Variants in MCHR2 observed in about 807,000 individuals in gnomAD.
MCHR2 encodes melanin concentrating hormone receptor 2, also known as melanin-concentrating hormone receptor 2.
A neutral mutation model predicts 24.8 loss-of-function variants in MCHR2; 15 were observed. The ratio of observed to expected loss-of-function variants is 0.60; its 90% CI spans 0.40 to 0.93. The LOEUF (loss-of-function observed/expected upper bound fraction) is 0.93. MCHR2 is among the 40% of genes least tolerant of loss of function. The pLI is 0.00. For missense variants in MCHR2, 386 were observed against 408.7 expected (o/e 0.94, Z 0.48); for synonymous variants, 151 against 147.6 (o/e 1.02, Z -0.17).
chr6:99,962,274 C>A (rs907591644), intron 1 of MCHR2, among the ~76,000 whole-genome samples: 12 of 152,270 alleles, frequency 7.9e-5, no homozygotes, highest in African/African-American at 2.6e-4. Context: ...CTAATCATGT[C>A]TTCAGAGAAA....
At chr6:99,975,032 G>A (rs1383125022) in intron 1 of MCHR2, among the ~76,000 whole-genome samples, 2 of 152,234 alleles carry the variant, frequency 1.3e-5, no homozygotes, top group Non-Finnish European at 2.9e-5. Flanking sequence ...GGACCCACTT[G>A]AGGAGGCAGT....
chr6:99,986,704 A>G (rs912095495), intron 1 of MCHR2, among the ~76,000 whole-genome samples: 3 of 152,042 alleles, frequency 2.0e-5, no homozygotes, highest in Non-Finnish European at 4.4e-5. Flanking sequence ...GGGATGGAAT[A>G]ATTCCTATAG....
At chr6:99,929,194 T>G (rs143448843) in intron 5 of MCHR2, among the ~76,000 whole-genome samples, 2,942 of 152,332 alleles carry the variant, frequency 0.019, 59 homozygotes, top group African/African-American at 0.047. Flanking sequence ...TGCACTGTGG[T>G]CTGAGAGACA....
chr6:99,935,830 C>G lies in MCHR2; in HGVS notation c.588-1313G>C, dbSNP rs577409814. On this transcript the variant is annotated intron_variant, in intron 4 of 5. Coordinates refer to ENST00000281806, the MANE Select transcript of MCHR2 (RefSeq NM_001040179.2). ...TTCCCACCGACAATGTACAAAGGTT[C>G]CGCTTTGTTCACATCCTTGTCAGCA... is the stretch of plus-strand genomic sequence containing the variant. Among the ~76,000 whole-genome samples, 13 of 151,944 alleles carry G rather than the reference C, an allele frequency of 8.6e-5. No homozygotes were observed. In the South Asian group the frequency reaches 2.7e-3, roughly 31 times the overall value.
At chr6:99,962,118 G>T (rs1775200664) in intron 1 of MCHR2, among the ~76,000 whole-genome samples, 1 of 152,214 alleles carries the variant, frequency 6.6e-6, no homozygotes, top group African/African-American at 2.4e-5. Context: ...TACTAGTCTT[G>T]TGCTTTGGGT....
intron 1 of MCHR2, among the ~76,000 whole-genome samples, chr6:99,960,073 C>A (rs1775148623): frequency 6.6e-6 from 1 of 151,924 alleles, no homozygotes; most frequent in Non-Finnish European, 1.5e-5. Context: ...ACAAAGACAA[C>A]AGAAAATTTT....
At chr6:99,933,333 C>A (rs911177371) in intron 5 of MCHR2, among the ~76,000 whole-genome samples, 8 of 152,096 alleles carry the variant, frequency 5.3e-5, no homozygotes, top group Non-Finnish European at 1.2e-4. Flanking sequence ...ATTTGGAGAA[C>A]TGTTTAAAAA....
chr6:99,921,588 T>A (rs1203403077), intron 5 of MCHR2, among the ~76,000 whole-genome samples: 1 of 152,204 alleles, frequency 6.6e-6, no homozygotes, highest in Non-Finnish European at 1.5e-5. Context: ...GAATTGGGTA[T>A]CCATCCCTTG....
intron 4 of MCHR2, among the ~76,000 whole-genome samples, chr6:99,935,202 A>G (rs1331693163): frequency 6.6e-6 from 1 of 152,074 alleles, no homozygotes; most frequent in Non-Finnish European, 1.5e-5. Flanking sequence ...TTGTCTTTTT[A>G]AAAATGCTAG....
intron 1 of MCHR2, among the ~76,000 whole-genome samples, chr6:99,992,486 C>T (rs890407778): frequency 3.3e-5 from 5 of 152,138 alleles, no homozygotes; most frequent in Admixed American, 2.0e-4. Context: ...TTGAGGAGAG[C>T]CAGGCTGACA....
intron 5 of MCHR2, among the ~76,000 whole-genome samples, chr6:99,926,721 A>G (rs1462304238): frequency 6.6e-6 from 1 of 152,088 alleles, no homozygotes; most frequent in African/African-American, 2.4e-5. Context: ...AGTTCATTGT[A>G]GATTCTGGAT....
At chr6:99,992,158 C>G (rs1479676826) in intron 1 of MCHR2, among the ~76,000 whole-genome samples, 1 of 152,220 alleles carries the variant, frequency 6.6e-6, no homozygotes, top group Non-Finnish European at 1.5e-5. Flanking sequence ...CTTCAGGGCA[C>G]AGGGACATTT....
chr6:99,985,337 C>T (rs1775750326), intron 1 of MCHR2, among the ~76,000 whole-genome samples: 1 of 152,068 alleles, frequency 6.6e-6, no homozygotes, highest in African/African-American at 2.4e-5. Flanking sequence ...TGCTAACATT[C>T]ATATGAAACC....
rs962346329 is a variant in MCHR2, at chr6:99,975,357, G to A, written c.-28+18579C>T. 1.6e-4 allele frequency among the ~76,000 whole-genome samples: 25 copies of A among 152,188 alleles called. 1 individual carries two copies. The highest frequency in any genetic ancestry group is 1.2e-3 in the Admixed American group (18 of 15,286). ...TAGGAATCAGCGAGACTCCGTGGCC[G>A]TAGGACCCTCTGAGCCAGGTGCAGG... On this transcript the variant is annotated intron_variant, in intron 1 of 5. Transcript: ENST00000281806.
intron 2 of MCHR2, 129 bp from the exon 3 acceptor site, chr6:99,948,100 A>G: frequency 4.3e-6 from 3 of 704,432 alleles, no homozygotes; most frequent in Non-Finnish European, 7.1e-6. Context: ...ATACAGATGC[A>G]TAGAGGAAAT....
At chr6:99,930,405 G>C (rs531043107) in intron 5 of MCHR2, among the ~76,000 whole-genome samples, 4 of 152,172 alleles carry the variant, frequency 2.6e-5, no homozygotes, top group African/African-American at 7.2e-5. Flanking sequence ...GATTGGGGAA[G>C]TTCTCCTGGA....
chr6:99,922,187 A>G (rs1582363504), intron 5 of MCHR2, among the ~76,000 whole-genome samples: 1 of 142,724 alleles, frequency 7.0e-6, no homozygotes, highest in East Asian at 2.1e-4. Context: ...GCTCACTGCC[A>G]GCTCCGCCTC....
intron 1 of MCHR2, among the ~76,000 whole-genome samples, chr6:99,958,781 C>T (rs34426163): frequency 0.16 from 23,788 of 152,130 alleles, 2,008 homozygotes; most frequent in Middle Eastern, 0.18. Flanking sequence ...GCCATATGAT[C>T]GGGGGAAACT....
chr6:99,983,458 G>T (rs1775711336), intron 1 of MCHR2, among the ~76,000 whole-genome samples: 1 of 152,258 alleles, frequency 6.6e-6, no homozygotes, highest in South Asian at 2.1e-4. Context: ...TTTTTTAAAT[G>T]GACCTGCCCA....
Sources: gnomAD v4.1 joint callset for allele counts (sites outside exome capture counted in the v4.1 genomes callset) on GRCh38, gnomAD v4.1.1 for gene constraint, MANE v1.5 for transcripts, NCBI Gene and HGNC (gene_info 2026-07-23, HGNC 2026-07-21) for gene names.